PLEKHH2: variants seen among roughly 807,000 people sequenced by gnomAD.
The protein encoded by PLEKHH2 is pleckstrin homology, MyTH4 and FERM domain containing H2, also known as pleckstrin homology domain-containing family H member 2.
A neutral mutation model predicts 187.9 loss-of-function variants in PLEKHH2; 129 were observed. The observed-to-expected ratio is 0.69, with a 90% confidence interval of 0.59 to 0.79. PLEKHH2 has a LOEUF of 0.79. Ranked by LOEUF, PLEKHH2 falls within the 30% of genes least tolerant of loss-of-function variation. The pLI is 0.00. For missense variants in PLEKHH2, 2,076 were observed against 1,751.2 expected, an observed-to-expected ratio of 1.19 and a Z score of -3.31; for synonymous variants, 686 against 605.6, an observed-to-expected ratio of 1.13 and a Z score of -1.95.
intron 28 of PLEKHH2, among the ~76,000 whole-genome samples, chr2:43,763,445 G>A (rs1174609454): frequency 6.6e-6 from 1 of 151,502 alleles, no homozygotes; most frequent in Non-Finnish European, 1.5e-5. Context: ...TTTGAGGCAG[G>A]GTCTTATTCT....
chr2:43,700,350 C>G lies in PLEKHH2; in HGVS notation c.1392C>G (p.Ser464Arg). 6.2e-7 allele frequency: 1 copy of G among 1,614,080 alleles called. No individual in the cohort carries two copies. The highest frequency in any genetic ancestry group is 8.5e-7 in the Non-Finnish European group (1 of 1,180,012). The change falls in exon 8 of 30, where the codon AGC becomes AGG. Residue 464 changes from serine to arginine, a missense_variant. Physicochemically the swap from Ser to Arg is moderately radical, Grantham distance 110. Coordinates refer to ENST00000282406, the MANE Select transcript of PLEKHH2 (RefSeq NM_172069.4). ...GGCACTTAAGCCAGCCACAGTTAAG[C>G]TCTGACAGGATGTTTGGTACAAATA... ...AKRHLSQPQL[S>R]SDRMFGTNRN...
intron 2 of PLEKHH2, among the ~76,000 whole-genome samples, chr2:43,657,796 C>G (rs1277059765): frequency 6.6e-6 from 1 of 152,166 alleles, no homozygotes. Flanking sequence ...AAATGTATTC[C>G]CAGTATCTGC....
intron 24 of PLEKHH2, 80 bp from the exon 25 acceptor site, chr2:43,753,539 C>A: frequency 8.4e-7 from 1 of 1,196,574 alleles, no homozygotes; most frequent in Non-Finnish European, 1.1e-6. Context: ...ACAACCCCAT[C>A]TCAGTCCTCT....
chr2:43,675,323 T>A, intron 2 of PLEKHH2: 1 of 1,275,098 alleles, frequency 7.8e-7, no homozygotes, highest in Non-Finnish European at 1.1e-6. Flanking sequence ...GAATTTGGAC[T>A]AGCCACATTT....
intron 25 of PLEKHH2, among the ~76,000 whole-genome samples, chr2:43,754,133 T>C (rs1388786375): frequency 1.3e-5 from 2 of 151,578 alleles, no homozygotes; most frequent in African/African-American, 2.4e-5. Context: ...TTTATTTGCC[T>C]ATTGTATCAG....
At chr2:43,754,880 T>TTTC (rs1185015190) in intron 25 of PLEKHH2, among the ~76,000 whole-genome samples, 1 of 149,838 alleles carries the variant, frequency 6.7e-6, no homozygotes, top group Admixed American at 6.6e-5. Context: ...TTTTTTTTTT[T>TTTC]TTTTTTTTTT....
At chr2:43,686,897 T>A (rs971801195) in intron 3 of PLEKHH2, among the ~76,000 whole-genome samples, 2 of 152,176 alleles carry the variant, frequency 1.3e-5, no homozygotes, top group African/African-American at 4.8e-5. Context: ...CCAAGTAGTG[T>A]AGCATGACAT....
At chr2:43,669,339 A>G (rs1306677507) in intron 2 of PLEKHH2, among the ~76,000 whole-genome samples, 1 of 152,232 alleles carries the variant, frequency 6.6e-6, no homozygotes, top group African/African-American at 2.4e-5. Context: ...CAATGGGTAC[A>G]GGGTTTTTTT....
intron 2 of PLEKHH2, among the ~76,000 whole-genome samples, chr2:43,673,857 T>C (rs1436527100): frequency 5.3e-5 from 8 of 152,198 alleles, no homozygotes; most frequent in Non-Finnish European, 1.2e-4. Context: ...CCTATATTCA[T>C]ATTTCAAGGA....
intron 2 of PLEKHH2, among the ~76,000 whole-genome samples, chr2:43,649,243 T>C (rs534507997): frequency 6.6e-6 from 1 of 152,334 alleles, no homozygotes; most frequent in Non-Finnish European, 1.5e-5. Flanking sequence ...TTTAAGTAGT[T>C]TTCCTACTTT....
chr2:43,712,382 A>G lies in PLEKHH2; in HGVS notation c.2459A>G (p.Lys820Arg), dbSNP rs957907824. Residue 820 changes from lysine to arginine, a missense_variant and splice_region_variant, in exon 15 of 30, where the codon AAG (lysine) becomes AGG (arginine). Transcript: ENST00000282406. ...CCCACCATGAAGGGATTGCTCACTAAGGTAGGAACCTCCTGTGCATAGCAA... is the reference window on the plus strand; with the variant it reads ...CCCACCATGAAGGGATTGCTCACTAGGGTAGGAACCTCCTGTGCATAGCAA... ...GKPTMKGLLT[K>R]VKHGYSKRVW... The G allele has an allele frequency of 1.2e-6, 2 of 1,613,854 alleles. No homozygotes were observed. The highest frequency in any genetic ancestry group is 2.7e-5 in the African/African-American group (2 of 74,940).
chr2:43,754,193 C>CA lies in PLEKHH2; in HGVS notation c.3795+434dup, dbSNP rs1412004714. ...ACACACACACACACACACACACACA[C>CA]ACACACACACACAAAATTAATACTG... On this transcript the variant is annotated intron_variant, in intron 25 of 29. Coordinates refer to ENST00000282406, the MANE Select transcript of PLEKHH2 (RefSeq NM_172069.4). Among the ~76,000 whole-genome samples the CA allele has an allele frequency of 8.4e-3, 1,037 of 123,798 alleles. 6 individuals are homozygous for CA. The highest frequency in any genetic ancestry group is 0.025 in the Middle Eastern group (6 of 236). The allele number at this position is 123,798 out of a possible 152,430, so 81.2% of individuals were successfully genotyped here.
At chr2:43,706,101 T>C (rs1288297613) in intron 9 of PLEKHH2, among the ~76,000 whole-genome samples, 2 of 152,174 alleles carry the variant, frequency 1.3e-5, no homozygotes, top group African/African-American at 4.8e-5. Context: ...TGCAGTCTAG[T>C]TGGGGAACTA....
Position 43,700,267 on chromosome 2 carries a change from C to T in PLEKHH2, c.1309C>T (p.Pro437Ser). 6.2e-7 allele frequency: 1 copy of T among 1,614,136 alleles called. No homozygotes were observed. The highest frequency in any genetic ancestry group is 8.5e-7 in the Non-Finnish European group (1 of 1,180,024). Residue 437 changes from proline to serine, a missense_variant, in exon 8 of 30, where the codon CCA becomes TCA. Physicochemically the swap from Pro to Ser is moderately conservative, Grantham distance 74 (BLOSUM62 -1). Coordinates refer to ENST00000282406, the MANE Select transcript of PLEKHH2 (RefSeq NM_172069.4). ...GTQLVPSSHLPPPKLRIPNVF... is the reference protein window; with the variant it reads ...GTQLVPSSHLSPPKLRIPNVF... ...ACAATTAGTGCCTTCATCACACCTG[C>T]CACCCCCAAAGTTAAGGATTCCTAA... is the stretch of plus-strand genomic sequence containing the variant.
intron 1 of PLEKHH2, among the ~76,000 whole-genome samples, chr2:43,643,552 A>G (rs893403159): frequency 6.6e-6 from 1 of 152,110 alleles, no homozygotes; most frequent in African/African-American, 2.4e-5. Flanking sequence ...GGAGGATTCT[A>G]TATTACGCTA....
rs765129478 is a variant in PLEKHH2 at position 43,764,230 on chromosome 2, G to T, written c.4161G>T (p.Arg1387Ser). 4.0e-6 allele frequency: 6 copies of T among 1,482,114 alleles called. No individual in the cohort carries two copies. The Admixed American group carries it at 7.2e-5, about 18-fold the overall frequency. 91.8% of individuals were successfully genotyped at this position (1,482,114 alleles called of 1,614,324 possible). A position where few individuals can be genotyped will look rare whatever the true frequency, so the allele number is the denominator to read the frequency against. The part of the protein sequence containing the change: ...GLSLLEYNSM[R>S]LIVSYVYKSL... Reference sequence around the variant, plus strand: ...TATACTTTTTCTTATCTTTAAAGAGGTTAATAGTCAGCTATGTGTACAAGA... The same window carrying T: ...TATACTTTTTCTTATCTTTAAAGAGTTTAATAGTCAGCTATGTGTACAAGA... Residue 1387 changes from arginine to serine, a missense_variant and splice_region_variant, in exon 29 of 30, where the codon AGG becomes AGT. Physicochemically the swap from Arg to Ser is moderately radical, Grantham distance 110 (BLOSUM62 -1). Transcript: ENST00000282406.
At chr2:43,668,257 C>G (rs951021656) in intron 2 of PLEKHH2, among the ~76,000 whole-genome samples, 3 of 152,170 alleles carry the variant, frequency 2.0e-5, no homozygotes, top group South Asian at 4.1e-4. Context: ...GTCTCGAATT[C>G]CTGACCTCAG....
At chr2:43,740,878 G>C in intron 20 of PLEKHH2, 68 bp from the exon 21 acceptor site, 3 of 1,580,902 alleles carry the variant, frequency 1.9e-6, no homozygotes, top group Non-Finnish European at 2.6e-6. Flanking sequence ...TCAGCCCATT[G>C]CACTCACTCA....
Position 43,753,648 on chromosome 2 carries a change from A to G in PLEKHH2, c.3683A>G (p.Glu1228Gly), listed in dbSNP as rs547337214. The change falls in exon 25 of 30, where the codon GAG (glutamate) becomes GGG (glycine). Residue 1228 changes from glutamate to glycine, a missense_variant. Transcript: ENST00000282406. ...RLYFSVQARG[E>G]TDREKLLLMY... The stretch of plus-strand genomic sequence containing the variant: ...TATTTCTCAGTGCAAGCTCGTGGAG[A>G]GACTGATAGAGAAAAGTTGCTGTTA... The G allele has an allele frequency of 5.1e-6, 8 of 1,559,386 alleles. No individual in the cohort carries two copies. In the Admixed American group the frequency reaches 1.6e-4, roughly 31 times the overall value.
Sources: gnomAD v4.1 joint callset for allele counts (sites outside exome capture counted in the v4.1 genomes callset) on GRCh38, gnomAD v4.1.1 for gene constraint, MANE v1.5 for transcripts, NCBI Gene and HGNC (gene_info 2026-07-23, HGNC 2026-07-21) for gene names.